Variants in POLR1F observed in about 807,000 individuals in gnomAD.
POLR1F encodes DNA-directed RNA polymerase I subunit RPA43.
Under a neutral mutation model 21.8 loss-of-function variants are expected in POLR1F, and 23 were observed. The ratio of observed to expected loss-of-function variants is 1.05; its 90% confidence interval spans 0.76 to 1.49. POLR1F has a LOEUF of 1.49. Ranked by LOEUF, POLR1F falls within the 40% of genes most tolerant of loss-of-function variation. The pLI, the probability that POLR1F is intolerant of heterozygous loss-of-function variation, is 0.00. For missense variants in POLR1F, 435 were observed against 412.1 expected (o/e 1.06, Z -0.48); for synonymous variants, 162 against 152.8 (o/e 1.06, Z -0.45).
chr7:19,703,563 T>C (rs1200905066), intron 2 of POLR1F, among the ~76,000 whole-genome samples: 2 of 152,180 alleles, frequency 1.3e-5, no homozygotes, highest in Non-Finnish European at 2.9e-5. Context: ...AATCTGTTAT[T>C]TCCATGTACA....
In POLR1F at chr7:19,698,712, G is replaced by T; in HGVS notation, c.621C>A (p.Arg207=). The T allele has an allele frequency of 6.5e-7, 1 of 1,544,116 alleles. No individual in the cohort carries two copies. ...CTGTAACTTCTTCAGAAACTTCAGA[G>T]CGCTTGAATTGTAAACTATAAATTA... ...KLNITSLQFK[R]SEVSEEVTEN... Residue 207 remains arginine (R), a synonymous_variant, in exon 4 of 4, where the codon CGC becomes CGA. Transcript: ENST00000222567.
chr7:19,701,580 A>G (rs1783447029), intron 2 of POLR1F, among the ~76,000 whole-genome samples: 1 of 152,230 alleles, frequency 6.6e-6, no homozygotes, highest in Non-Finnish European at 1.5e-5. Flanking sequence ...CATAGCTTGT[A>G]ATAGCTGAAC....
At chr7:19,705,763 A>G (rs1419326241) in intron 1 of POLR1F, among the ~76,000 whole-genome samples, 1 of 152,194 alleles carries the variant, frequency 6.6e-6, no homozygotes, top group African/African-American at 2.4e-5. Context: ...AAGGAGAAAG[A>G]CCTAGTGGTG....
intron 3 of POLR1F, among the ~76,000 whole-genome samples, 164 bp from the exon 4 acceptor site, chr7:19,698,891 AC>A (rs1169633675): frequency 6.6e-6 from 1 of 152,070 alleles, no homozygotes; most frequent in Non-Finnish European, 1.5e-5. Context: ...TTATCCCTCA[AC>A]CCACTAAAAT....
rs770576517 is a variant in POLR1F, at chr7:19,708,950, C to A, written c.67G>T (p.Ala23Ser). 1.2e-6 allele frequency: 2 copies of A among 1,612,324 alleles called. No individual in the cohort carries two copies. The highest frequency in any genetic ancestry group is 2.2e-5 in the East Asian group (1 of 44,884). Residue 23 changes from alanine (A) to serine (S), a missense_variant, in exon 1 of 4, where the codon GCT becomes TCT. Ala to Ser is a moderately conservative substitution (Grantham distance 99, BLOSUM62 1). Coordinates refer to ENST00000222567, the MANE Select transcript of POLR1F (RefSeq NM_001002926.2). ...AASDGSLVGQ[A>S]GVLPCLELPT... ...AACTCTAGGCAAGGCAGGACGCCAG[C>A]CTGCCCTACCAGAGACCCATCAGAA...
At chr7:19,699,413 C>A (rs1003500126) in intron 3 of POLR1F, among the ~76,000 whole-genome samples, 3 of 152,116 alleles carry the variant, frequency 2.0e-5, no homozygotes, top group Non-Finnish European at 4.4e-5. Flanking sequence ...TATTTCAATG[C>A]TCAATAGTGA....
intron 2 of POLR1F, 116 bp from the exon 3 acceptor site, chr7:19,700,396 G>A (rs1783433352): frequency 3.9e-6 from 3 of 764,054 alleles, no homozygotes; most frequent in African/African-American, 3.5e-5. Context: ...CAAATTAATG[G>A]TCTAATTTAA....
chr7:19,700,069 A>T lies in POLR1F; in HGVS notation c.605+3T>A, dbSNP rs539014115. On this transcript the variant is annotated splice_donor_region_variant and intron_variant, in intron 3 of 3. Transcript: ENST00000222567. ...AGTGATAATTACGTAATGATAAACT[A>T]ACCTTGTGATATTTAGTTTTCCCCG... The T allele has an allele frequency of 6.2e-7, 1 of 1,611,554 alleles. No homozygotes were observed. The highest frequency in any genetic ancestry group is 1.1e-5 in the South Asian group (1 of 91,018).
At chr7:19,699,865 G>A (rs1783427142) in intron 3 of POLR1F, among the ~76,000 whole-genome samples, 1 of 152,040 alleles carries the variant, frequency 6.6e-6, no homozygotes, top group Admixed American at 6.6e-5. Flanking sequence ...GCTAGTCTGT[G>A]TTTCAGAATA....
intron 2 of POLR1F, among the ~76,000 whole-genome samples, chr7:19,704,388 A>G (rs889900376): frequency 6.6e-6 from 1 of 152,210 alleles, no homozygotes; most frequent in Non-Finnish European, 1.5e-5. Flanking sequence ...TGTCATTGAT[A>G]AATTTTCATT....
Position 19,700,439 on chromosome 7 carries a change from C to T in POLR1F, c.397-159G>A, listed in dbSNP as rs565175781. 7.2e-5 allele frequency: 44 copies of T among 611,082 alleles called. 1 individual carries two copies. In the South Asian group the frequency reaches 8.3e-4, roughly 12 times the overall value. The allele number at this position is 611,082 out of a possible 1,614,324, so 37.9% of individuals were successfully genotyped here. On this transcript the variant is annotated intron_variant, in intron 2 of 3. Coordinates refer to ENST00000222567, the MANE Select transcript of POLR1F (RefSeq NM_001002926.2). ...AAAGTTTACCTCAATTAAAACTTAC[C>T]ACATGTCATGCCAAAACATCACTTT...
rs1324120535 is a variant in POLR1F, at chr7:19,697,574, T to C, written c.*742A>G. The stretch of plus-strand genomic sequence containing the variant: ...ATTTCCCACTAGTCAGAATCACATT[T>C]ATCCTGTCTTCATTAGACTGTCCTC... On this transcript the variant is annotated 3_prime_UTR_variant, in exon 4 of 4. Coordinates refer to ENST00000222567, the MANE Select transcript of POLR1F (RefSeq NM_001002926.2). 6.6e-6 allele frequency: 1 copy of C among 152,216 alleles called. No individual in the cohort carries two copies. Among genetic ancestry groups the C allele is most frequent in the Non-Finnish European group, 1.5e-5 (1 of 68,024 alleles). 9.4% of individuals were successfully genotyped at this position (152,216 alleles called of 1,614,324 possible). A position where few individuals can be genotyped will look rare whatever the true frequency, so the allele number is the denominator to read the frequency against.
rs1783385709 is a variant in POLR1F at position 19,697,440 on chromosome 7, A to G, written c.*876T>C. On this transcript the variant is annotated 3_prime_UTR_variant, in exon 4 of 4. Transcript: ENST00000222567. Reference sequence around the variant, plus strand: ...GTCATTTCATTACACTTTGTCAATTAGTCAAGAGACATTCCACATTTTCTC... The same window carrying G: ...GTCATTTCATTACACTTTGTCAATTGGTCAAGAGACATTCCACATTTTCTC... 1 of 152,196 alleles carries G rather than the reference A, an allele frequency of 6.6e-6. No individual in the cohort carries two copies. Among genetic ancestry groups the G allele is most frequent in the Admixed American group, 6.5e-5 (1 of 15,276 alleles). The allele number at this position is 152,196 out of a possible 1,614,324, so 9.4% of individuals were successfully genotyped here.
intron 2 of POLR1F, among the ~76,000 whole-genome samples, chr7:19,703,393 C>T (rs1364911103): frequency 6.6e-6 from 1 of 152,080 alleles, no homozygotes; most frequent in Non-Finnish European, 1.5e-5. Context: ...ATTCACTGAA[C>T]TGAACAATAT....
At position 19,708,953 on chromosome 7, in the gene POLR1F, G is replaced by A. The variant is rs1783578508; in HGVS notation, c.64C>T (p.Gln22Ter). 3.1e-6 allele frequency: 5 copies of A among 1,612,078 alleles called. No individual in the cohort carries two copies. The highest frequency in any genetic ancestry group is 4.2e-6 in the Non-Finnish European group (5 of 1,179,546). The change falls in exon 1 of 4, where the codon CAG becomes TAG. Residue 22 changes from glutamine to a stop codon, truncating the protein, a stop_gained. Coordinates refer to ENST00000222567, the MANE Select transcript of POLR1F (RefSeq NM_001002926.2). LOFTEE classifies it high-confidence loss of function. ...AAASDGSLVG[Q>*]AGVLPCLELP... ...TCTAGGCAAGGCAGGACGCCAGCCTGCCCTACCAGAGACCCATCAGAAGCC... is the reference window on the plus strand; with the variant it reads ...TCTAGGCAAGGCAGGACGCCAGCCTACCCTACCAGAGACCCATCAGAAGCC...
chr7:19,701,866 T>C (rs1712075005), intron 2 of POLR1F, among the ~76,000 whole-genome samples: 1 of 151,888 alleles, frequency 6.6e-6, no homozygotes, highest in African/African-American at 2.4e-5. Flanking sequence ...GTATACGAAA[T>C]AAATGCCTGG....
At chr7:19,700,033 A>G in intron 3 of POLR1F, 39 bp downstream of exon 3, 5 of 1,501,210 alleles carry the variant, frequency 3.3e-6, no homozygotes, top group Non-Finnish European at 4.6e-6. Flanking sequence ...TTAAATAGAA[A>G]TTAAGTACCT....
chr7:19,708,709 C>A, intron 1 of POLR1F, 54 bp downstream of exon 1: 1 of 1,568,760 alleles, frequency 6.4e-7, no homozygotes, highest in Non-Finnish European at 8.7e-7. Flanking sequence ...GTCAGCACAT[C>A]CACCTGCTTT....
chr7:19,704,766 G>A lies in POLR1F; in HGVS notation c.396+13C>T. ...ATTATACAAAGGGAGCTAGAAAAAA[G>A]TGATACACATACCATAAGCTTCTGC... On this transcript the variant is annotated intron_variant, in intron 2 of 3. Coordinates refer to ENST00000222567, the MANE Select transcript of POLR1F (RefSeq NM_001002926.2). 1.3e-6 allele frequency: 2 copies of A among 1,577,910 alleles called. No homozygotes were observed. Among genetic ancestry groups the A allele is most frequent in the Non-Finnish European group, 1.7e-6 (2 of 1,169,964 alleles).
Sources: gnomAD v4.1 joint callset for allele counts (sites outside exome capture counted in the v4.1 genomes callset) on GRCh38, gnomAD v4.1.1 for gene constraint, MANE v1.5 for transcripts, NCBI Gene and HGNC (gene_info 2026-07-23, HGNC 2026-07-21) for gene names.